The following CRIM1 variants were observed in gnomAD, a reference collection of about 807,000 sequenced individuals.
CRIM1 encodes the protein cysteine-rich motor neuron 1 protein.
Under a neutral mutation model 116.4 loss-of-function variants are expected in CRIM1, and 32 were observed. The ratio of observed to expected loss-of-function variants is 0.27; its 90% CI spans 0.21 to 0.37. The LOEUF (loss-of-function observed/expected upper bound fraction) is 0.37, where lower values mean the gene tolerates loss of function less well. CRIM1 is among the 10% of genes least tolerant of loss of function. CRIM1 has a pLI of 1.00. For missense variants in CRIM1, 1,331 were observed against 1,354.8 expected (o/e 0.98, Z 0.28); for synonymous variants, 590 against 509.2 (o/e 1.16, Z -2.13).
At chr2:36,371,803 C>T (rs973138644) in intron 1 of CRIM1, among the ~76,000 whole-genome samples, 1 of 152,192 alleles carries the variant, frequency 6.6e-6, no homozygotes, top group African/African-American at 2.4e-5. Context: ...GTAACCTTCT[C>T]TTGACTGCCA....
chr2:36,442,121 C>G (rs542049055), intron 3 of CRIM1, among the ~76,000 whole-genome samples: 2 of 152,318 alleles, frequency 1.3e-5, no homozygotes, highest in East Asian at 3.9e-4. Context: ...TTCTAACATC[C>G]TTGCTCTTGT....
At chr2:36,452,782 C>T (rs1676838306) in intron 4 of CRIM1, among the ~76,000 whole-genome samples, 1 of 152,122 alleles carries the variant, frequency 6.6e-6, no homozygotes, top group Non-Finnish European at 1.5e-5. Flanking sequence ...CAGTCAGTGG[C>T]TTCCAGTTTA....
At chr2:36,473,877 C>G (rs1678746243) in intron 5 of CRIM1, among the ~76,000 whole-genome samples, 1 of 151,972 alleles carries the variant, frequency 6.6e-6, no homozygotes, top group South Asian at 2.1e-4. Flanking sequence ...GGGTATATAC[C>G]TAGGAGTAGA....
rs1378357563 is a variant in CRIM1, at chr2:36,408,575, C to G, written c.505+11788C>G. Among the ~76,000 whole-genome samples, 6 of 152,246 alleles carry G rather than the reference C, an allele frequency of 3.9e-5. No homozygotes were observed. The East Asian group carries it at 1.2e-3, about 29-fold the overall frequency. On this transcript the variant is annotated intron_variant, in intron 2 of 16. Coordinates refer to ENST00000280527, the MANE Select transcript of CRIM1 (RefSeq NM_016441.3). ...AGAGCTCCCTTCCCTCTAAGGGGAGCTGGAGCTGTCCCTTCTGTGTCCACA... is the reference window on the plus strand; with the variant it reads ...AGAGCTCCCTTCCCTCTAAGGGGAGGTGGAGCTGTCCCTTCTGTGTCCACA...
intron 8 of CRIM1, among the ~76,000 whole-genome samples, chr2:36,505,050 A>G (rs1572886768): frequency 6.6e-6 from 1 of 152,236 alleles, no homozygotes; most frequent in African/African-American, 2.4e-5. Flanking sequence ...AAACATCACA[A>G]GAAGGTTGCA....
chr2:36,539,557 G>C (rs545658720), intron 14 of CRIM1, among the ~76,000 whole-genome samples: 1 of 152,332 alleles, frequency 6.6e-6, no homozygotes, highest in Non-Finnish European at 1.5e-5. Flanking sequence ...GTTGAACATA[G>C]ACTGTGGGGC....
intron 7 of CRIM1, among the ~76,000 whole-genome samples, chr2:36,497,197 C>A (rs765547807): frequency 1.3e-5 from 2 of 151,648 alleles, no homozygotes; most frequent in Non-Finnish European, 2.9e-5. Context: ...TAAGACATTT[C>A]TTTACCCATA....
At chr2:36,491,116 G>A (rs1680196018) in intron 7 of CRIM1, among the ~76,000 whole-genome samples, 1 of 152,172 alleles carries the variant, frequency 6.6e-6, no homozygotes, top group Non-Finnish European at 1.5e-5. Flanking sequence ...GCATTATCAA[G>A]GAGTAGGGTA....
chr2:36,528,212 G>A lies in CRIM1; in HGVS notation c.2428+5899G>A, dbSNP rs150864695. 1.7e-4 allele frequency among the ~76,000 whole-genome samples: 26 copies of A among 152,288 alleles called. No individual in the cohort carries two copies. In the East Asian group the frequency reaches 3.7e-3, roughly 22 times the overall value. ...CTAGTGTCTCACTGTTAAATGTAGC[G>A]TCTGGCTTTCTACAAGAGAAATGCC... On this transcript the variant is annotated intron_variant, in intron 13 of 16. Coordinates refer to ENST00000280527, the MANE Select transcript of CRIM1 (RefSeq NM_016441.3).
chr2:36,548,187 T>C (rs1366610964), intron 16 of CRIM1, among the ~76,000 whole-genome samples: 1 of 152,068 alleles, frequency 6.6e-6, no homozygotes, highest in African/African-American at 2.4e-5. Flanking sequence ...GTTTTTAAAA[T>C]CTGCCTACCT....
intron 1 of CRIM1, among the ~76,000 whole-genome samples, chr2:36,387,280 C>T (rs796181060): frequency 2.6e-5 from 4 of 152,272 alleles, no homozygotes; most frequent in African/African-American, 9.6e-5. Flanking sequence ...ATGAAGAGAT[C>T]AAATAGGAAA....
chr2:36,469,456 T>A (rs1678316650), intron 5 of CRIM1, among the ~76,000 whole-genome samples: 1 of 152,202 alleles, frequency 6.6e-6, no homozygotes, highest in Non-Finnish European at 1.5e-5. Context: ...CAGTAATTAG[T>A]TCCTGTTTTA....
At chr2:36,472,137 C>T (rs931572080) in intron 5 of CRIM1, among the ~76,000 whole-genome samples, 1 of 152,194 alleles carries the variant, frequency 6.6e-6, no homozygotes, top group African/African-American at 2.4e-5. Context: ...ACTAAAAAGG[C>T]ACTTCTGTGC....
chr2:36,545,691 G>C (rs1359795589), intron 15 of CRIM1, among the ~76,000 whole-genome samples: 1 of 152,094 alleles, frequency 6.6e-6, no homozygotes, highest in Non-Finnish European at 1.5e-5. Context: ...AACAGAACTG[G>C]AAGACTGAAT....
At chr2:36,509,215 T>G (rs1178277382) in intron 8 of CRIM1, among the ~76,000 whole-genome samples, 1 of 152,174 alleles carries the variant, frequency 6.6e-6, no homozygotes, top group Non-Finnish European at 1.5e-5. Flanking sequence ...GTCATGTGGA[T>G]ATTTAAAAAC....
chr2:36,550,649 T>G lies in CRIM1; in HGVS notation c.*1948T>G, dbSNP rs942233789. 1 of 152,532 alleles carries G rather than the reference T, an allele frequency of 6.6e-6. No homozygotes were observed. Among genetic ancestry groups the G allele is most frequent in the Non-Finnish European group, 1.5e-5 (1 of 68,002 alleles). 9.4% of individuals were successfully genotyped at this position (152,532 alleles called of 1,614,324 possible). Reference sequence around the variant, plus strand: ...AAAAGAAAAAGGTGTTCTAGCTGTTTGCATCAAAGGAAAAAAAGATTTATT... The same window carrying G: ...AAAAGAAAAAGGTGTTCTAGCTGTTGGCATCAAAGGAAAAAAAGATTTATT... On this transcript the variant is annotated 3_prime_UTR_variant, in exon 17 of 17. Coordinates refer to ENST00000280527, the MANE Select transcript of CRIM1 (RefSeq NM_016441.3).
intron 1 of CRIM1, among the ~76,000 whole-genome samples, chr2:36,370,512 T>C (rs1268944794): frequency 1.3e-5 from 2 of 152,200 alleles, no homozygotes; most frequent in African/African-American, 4.8e-5. Context: ...AACTGAGGGC[T>C]GGAAAACTTG....
chr2:36,378,556 G>T, intron 1 of CRIM1: 1 of 353,710 alleles, frequency 2.8e-6, no homozygotes, highest in Non-Finnish European at 5.6e-6. Context: ...ACTTAAGGAA[G>T]TTAATTTGAA....
intron 8 of CRIM1, among the ~76,000 whole-genome samples, chr2:36,502,817 G>A (rs1224680004): frequency 6.6e-6 from 1 of 152,196 alleles, no homozygotes; most frequent in Non-Finnish European, 1.5e-5. Context: ...GCAGATACTG[G>A]CTGAGTGAAT....
Sources: gnomAD v4.1 joint callset for allele counts (sites outside exome capture counted in the v4.1 genomes callset) on GRCh38, gnomAD v4.1.1 for gene constraint, MANE v1.5 for transcripts, NCBI Gene and HGNC (gene_info 2026-07-23, HGNC 2026-07-21) for gene names.